Variants in CACNA1A observed in about 807,000 individuals in gnomAD.
The protein encoded by CACNA1A is calcium voltage-gated channel subunit alpha1 A, also known as voltage-dependent P/Q-type calcium channel subunit alpha-1A.
A neutral mutation model predicts 262.4 loss-of-function variants in CACNA1A; 57 were observed. The ratio of observed to expected loss-of-function variants is 0.22; its 90% confidence interval spans 0.18 to 0.27. The LOEUF is 0.27. CACNA1A is among the 10% of genes least tolerant of loss of function. CACNA1A has a pLI of 1.00. For synonymous variants in CACNA1A, 1,431 were observed against 1,419.3 expected (o/e 1.01, Z -0.18); for missense variants, 2,526 against 3,562.8 (o/e 0.71, Z 7.41).
chr19:13,228,590 T>C, intron 36 of CACNA1A: 1 of 194,834 alleles, frequency 5.1e-6, no homozygotes, highest in Non-Finnish European at 8.4e-6. Context: ...CTCTGTTTTT[T>C]TAGAGAGAGA....
At chr19:13,254,637 C>T (rs567633262) in intron 29 of CACNA1A, among the ~76,000 whole-genome samples, 4 of 152,290 alleles carry the variant, frequency 2.6e-5, no homozygotes, top group Admixed American at 2.0e-4. Context: ...TCTGGGATTA[C>T]AGGCATGAGC....
At chr19:13,420,991 G>A (rs982619055) in intron 3 of CACNA1A, among the ~76,000 whole-genome samples, 1 of 152,196 alleles carries the variant, frequency 6.6e-6, no homozygotes, top group Non-Finnish European at 1.5e-5. Context: ...AGTTTGGTAT[G>A]ATCACATGAT....
intron 34 of CACNA1A, 75 bp from the exon 35 acceptor site, chr19:13,231,935 C>T: frequency 6.7e-7 from 1 of 1,492,428 alleles, no homozygotes; most frequent in South Asian, 1.3e-5. Context: ...GGAGGTGGAG[C>T]ACACACGTTG....
intron 24 of CACNA1A, chr19:13,274,514 G>A (rs911581645): frequency 2.6e-5 from 4 of 152,166 alleles, no homozygotes; most frequent in African/African-American, 9.7e-5. Flanking sequence ...AACCTGTCAG[G>A]GAATCATTCA....
intron 1 of CACNA1A, among the ~76,000 whole-genome samples, chr19:13,463,855 C>T (rs949318994): frequency 2.0e-5 from 3 of 152,110 alleles, no homozygotes; most frequent in African/African-American, 7.2e-5. Flanking sequence ...AATAGTAGTG[C>T]AGAGGAGTTG....
intron 5 of CACNA1A, 120 bp from the exon 6 acceptor site, chr19:13,359,919 A>G (rs1228539428): frequency 1.9e-6 from 1 of 515,122 alleles, no homozygotes; most frequent in Non-Finnish European, 3.2e-6. Flanking sequence ...AAACGTGATC[A>G]GTCTTCAAAG....
In CACNA1A at chr19:13,313,568, G is replaced by A. The variant is rs116368170; in HGVS notation, c.1556-787C>T. ...CCAACCAACAAGCTAACCAACCTTA[G>A]GCCGATTTTAAAAGGAATGAGAAAA... On this transcript the variant is annotated intron_variant, in intron 11 of 46. Transcript: ENST00000360228. 3.9e-3 allele frequency among the ~76,000 whole-genome samples: 584 copies of A among 150,184 alleles called. 6 individuals carry two copies. The highest frequency in any genetic ancestry group is 0.013 in the African/African-American group (536 of 40,668).
chr19:13,485,255 A>G (rs369943730), intron 1 of CACNA1A, among the ~76,000 whole-genome samples: 6 of 152,374 alleles, frequency 3.9e-5, no homozygotes, highest in African/African-American at 1.4e-4. Flanking sequence ...CTGATTAAAG[A>G]CATACAGTGA....
At chr19:13,215,415 G>A (rs2054972836) in intron 38 of CACNA1A, among the ~76,000 whole-genome samples, 3 of 146,074 alleles carry the variant, frequency 2.1e-5, no homozygotes, top group African/African-American at 7.6e-5. Flanking sequence ...TGCCTCCTGG[G>A]TTCAAGCGAT....
chr19:13,293,459 T>A (rs1485241902), intron 19 of CACNA1A, among the ~76,000 whole-genome samples: 2 of 144,406 alleles, frequency 1.4e-5, no homozygotes, highest in African/African-American at 5.2e-5. Context: ...TTTTTTTTTT[T>A]TTTTGAGATG....
intron 10 of CACNA1A, among the ~76,000 whole-genome samples, chr19:13,322,369 T>G (rs1415415394): frequency 6.6e-6 from 1 of 152,076 alleles, no homozygotes; most frequent in Non-Finnish European, 1.5e-5. Context: ...CCCTAAAACC[T>G]TCTGAGGGAA....
intron 4 of CACNA1A, among the ~76,000 whole-genome samples, chr19:13,367,599 G>T (rs963309924): frequency 2.9e-4 from 42 of 143,502 alleles, no homozygotes; most frequent in African/African-American, 1.0e-3. Flanking sequence ...GTGGTGGCGG[G>T]CACCTGTAGT....
Position 13,235,673 on chromosome 19 carries a change from G to T in CACNA1A, c.5008C>A (p.Leu1670Ile), listed in dbSNP as rs2055850614. The T allele has an allele frequency of 6.2e-7, 1 of 1,613,868 alleles. No individual in the cohort carries two copies. The highest frequency in any genetic ancestry group is 8.5e-7 in the Non-Finnish European group (1 of 1,179,874). The change falls in exon 32 of 47, where the codon CTT becomes ATT. Residue 1670 changes from leucine to isoleucine, a missense_variant. Around this residue, in one of 17 missense-constraint regions of CACNA1A, gnomAD observed 66 missense variants for 195.8 expected, o/e 0.34. Transcript: ENST00000360228. ...CGGATGGTGTAACCCTGACGGAGAA[G>T]TTTGATGAGCCGGGCAGCTCGGAAG... ...RLFRAARLIK[L>I]LRQGYTIRIL...
In CACNA1A at chr19:13,506,240, G is replaced by C; in HGVS notation, c.-16C>G. ...AGCGGGCCATTCTGCAAAGAGCAAAGGGCTCCGGGTTACGCTGCGGCGAAC... is the reference window on the plus strand; with the variant it reads ...AGCGGGCCATTCTGCAAAGAGCAAACGGCTCCGGGTTACGCTGCGGCGAAC... On this transcript the variant is annotated 5_prime_UTR_variant, in exon 1 of 47. Coordinates refer to ENST00000360228, the MANE Select transcript of CACNA1A (RefSeq NM_001127222.2). The C allele has an allele frequency of 2.8e-6, 4 of 1,447,186 alleles. No individual in the cohort carries two copies. The highest frequency in any genetic ancestry group is 2.7e-6 in the Non-Finnish European group (3 of 1,111,090). 89.6% of individuals were successfully genotyped at this position (1,447,186 alleles called of 1,614,324 possible). A position where few individuals can be genotyped will look rare whatever the true frequency, so the allele number is the denominator to read the frequency against.
intron 1 of CACNA1A, among the ~76,000 whole-genome samples, chr19:13,490,418 C>T (rs1980616466): frequency 6.6e-6 from 1 of 152,076 alleles, no homozygotes. Context: ...GCTTGGCCAA[C>T]ATGGTGAAAC....
chr19:13,491,683 T>C (rs1980901136), intron 1 of CACNA1A, among the ~76,000 whole-genome samples: 1 of 152,118 alleles, frequency 6.6e-6, no homozygotes, highest in African/African-American at 2.4e-5. Context: ...AAAGGGGCTG[T>C]CTAAGGGCCA....
chr19:13,275,884 C>T lies in CACNA1A; in HGVS notation c.3955G>A (p.Val1319Met). ...RDLWNILDFIVVSGALVAFAF... is the reference protein window; with the variant it reads ...RDLWNILDFIMVSGALVAFAF... ...AAGGCTACCAGGGCCCCACTGACCACTATGAAGTCGAGAATATTCCAGAGG... is the reference window on the plus strand; with the variant it reads ...AAGGCTACCAGGGCCCCACTGACCATTATGAAGTCGAGAATATTCCAGAGG... Residue 1319 changes from valine to methionine, a missense_variant, in exon 24 of 47, where the codon GTG becomes ATG. By Grantham distance (21) the Val-to-Met change is conservative. Around this residue, in one of 17 missense-constraint regions of CACNA1A, gnomAD observed 137 missense variants for 377.7 expected, o/e 0.36. Transcript: ENST00000360228. 6.2e-7 allele frequency: 1 copy of T among 1,613,894 alleles called. No individual in the cohort carries two copies. The highest frequency in any genetic ancestry group is 8.5e-7 in the Non-Finnish European group (1 of 1,179,802).
intron 3 of CACNA1A, among the ~76,000 whole-genome samples, chr19:13,442,311 G>C (rs770833898): frequency 6.6e-5 from 10 of 152,158 alleles, no homozygotes; most frequent in Non-Finnish European, 1.0e-4. Flanking sequence ...ACATATTTCA[G>C]TGTTTTCCCA....
chr19:13,506,157 A>G lies in CACNA1A; in HGVS notation c.68T>C (p.Val23Ala). 1 of 1,552,904 alleles carries G rather than the reference A, an allele frequency of 6.4e-7. No homozygotes were observed. The highest frequency in any genetic ancestry group is 8.7e-7 in the Non-Finnish European group (1 of 1,149,562). Residue 23 changes from valine to alanine, a missense_variant, in exon 1 of 47, where the codon GTG (valine) becomes GCG (alanine). Coordinates refer to ENST00000360228, the MANE Select transcript of CACNA1A (RefSeq NM_001127222.2). ...GGGGSGAAAG[V>A]VVGSGGGRGA... is the part of the protein sequence containing the mutation. ...TCGCCCGCCTCCGCTGCCCACGACCACCCCGGCGGCTGCCCCGGAGCCTCC... is the reference window on the plus strand; with the variant it reads ...TCGCCCGCCTCCGCTGCCCACGACCGCCCCGGCGGCTGCCCCGGAGCCTCC...
Sources: allele counts gnomAD v4.1 joint callset (sites outside exome capture counted in the v4.1 genomes callset), GRCh38; gene constraint gnomAD v4.1.1; regional missense constraint gnomAD v4.1.1; transcripts MANE v1.5; gene names NCBI Gene and HGNC (gene_info 2026-07-23, HGNC 2026-07-21).